KCNIP4: variants seen among roughly 807,000 people sequenced by gnomAD.
The protein encoded by KCNIP4 is Kv channel-interacting protein 4.
KCNIP4 carries 12 observed loss-of-function variants against 34.0 expected under a neutral mutation model. The ratio of observed to expected loss-of-function variants is 0.35; its 90% CI spans 0.23 to 0.57. The LOEUF is 0.57. KCNIP4 is among the 20% of genes least tolerant of loss of function. The pLI is 0.83. For synonymous variants in KCNIP4, 124 were observed against 102.2 expected (o/e 1.21, Z -1.29); for missense variants, 238 against 311.7 (o/e 0.76, Z 1.78).
intron 1 of KCNIP4, among the ~76,000 whole-genome samples, chr4:21,441,018 A>G (rs548819617): frequency 6.6e-6 from 1 of 152,244 alleles, no homozygotes; most frequent in East Asian, 1.9e-4. Context: ...CCTTGTCCAC[A>G]GTTCTGACCA....
intron 1 of KCNIP4, among the ~76,000 whole-genome samples, chr4:21,085,610 G>C (rs1002985302): frequency 6.6e-6 from 1 of 152,126 alleles, no homozygotes; most frequent in Non-Finnish European, 1.5e-5. Context: ...GTTGGTCAAG[G>C]CTGCTGCTCT....
intron 5 of KCNIP4, among the ~76,000 whole-genome samples, chr4:20,738,009 G>A (rs1396681772): frequency 6.6e-6 from 1 of 151,934 alleles, no homozygotes; most frequent in Non-Finnish European, 1.5e-5. Context: ...GTGCACACCT[G>A]TTGTCCCAGC....
intron 1 of KCNIP4, among the ~76,000 whole-genome samples, chr4:21,859,683 T>G (rs1204294659): frequency 6.6e-6 from 1 of 152,048 alleles, no homozygotes; most frequent in African/African-American, 2.4e-5. Flanking sequence ...TCAAATGGTC[T>G]ACTTCTGCAA....
chr4:20,836,011 A>G (rs533876572), intron 3 of KCNIP4, among the ~76,000 whole-genome samples: 54 of 152,332 alleles, frequency 3.5e-4, no homozygotes, highest in Non-Finnish European at 7.5e-4. Flanking sequence ...AGTTTACTGC[A>G]ATATCTTCTT....
chr4:21,798,512 GAAAAA>G (rs3052679), intron 1 of KCNIP4, among the ~76,000 whole-genome samples: 5 of 102,534 alleles, frequency 4.9e-5, no homozygotes, highest in African/African-American at 1.4e-4. Flanking sequence ...AAGACCCTGG[GAAAAA>G]AAAAAAAAAA....
chr4:21,832,615 G>C (rs1349916196), intron 1 of KCNIP4, among the ~76,000 whole-genome samples: 1 of 145,546 alleles, frequency 6.9e-6, no homozygotes, highest in Non-Finnish European at 1.5e-5. Flanking sequence ...ATACTTTTAA[G>C]TTTTAGGGTA....
chr4:21,224,382 C>A (rs6842655), intron 1 of KCNIP4, among the ~76,000 whole-genome samples: 70,855 of 150,900 alleles, frequency 0.47, 17,929 homozygotes, highest in African/African-American at 0.67. Context: ...CAATCCCATC[C>A]TGAGGGCCCC....
intron 1 of KCNIP4, among the ~76,000 whole-genome samples, chr4:21,175,854 A>T (rs1754364775): frequency 6.6e-6 from 1 of 152,190 alleles, no homozygotes; most frequent in South Asian, 2.1e-4. Flanking sequence ...GATAAATGAA[A>T]CTACAGAAAG....
At chr4:21,673,658 T>C (rs977534436) in intron 1 of KCNIP4, among the ~76,000 whole-genome samples, 2 of 152,184 alleles carry the variant, frequency 1.3e-5, no homozygotes, top group Non-Finnish European at 2.9e-5. Context: ...TGATTTTCTA[T>C]CTGTAAAGAT....
chr4:20,730,176 G>A, intron 8 of KCNIP4, 47 bp from the exon 9 acceptor site: 6 of 1,567,762 alleles, frequency 3.8e-6, no homozygotes, highest in Non-Finnish European at 5.2e-6. Flanking sequence ...TATCTGCAAG[G>A]AAAAGTACAC....
At chr4:21,072,694 C>A (rs905943448) in intron 1 of KCNIP4, among the ~76,000 whole-genome samples, 1 of 151,910 alleles carries the variant, frequency 6.6e-6, no homozygotes, top group Admixed American at 6.6e-5. Context: ...CATTGCTTTT[C>A]GTGTTTTAAA....
chr4:21,424,578 GGAAAGAAA>G (rs148701174), intron 1 of KCNIP4, among the ~76,000 whole-genome samples: 4 of 148,666 alleles, frequency 2.7e-5, no homozygotes, highest in Admixed American at 1.3e-4. Flanking sequence ...CTGAAAAAGA[GGAAAGAAA>G]GAAAGAAAGA....
intron 3 of KCNIP4, among the ~76,000 whole-genome samples, chr4:20,770,257 A>G (rs1302837672): frequency 2.0e-5 from 3 of 152,194 alleles, no homozygotes; most frequent in South Asian, 2.1e-4. Flanking sequence ...TGAAAAGACT[A>G]TATTCTGTCA....
intron 1 of KCNIP4, among the ~76,000 whole-genome samples, chr4:21,491,320 C>T (rs1162677402): frequency 6.6e-6 from 1 of 152,082 alleles, no homozygotes; most frequent in Admixed American, 6.6e-5. Context: ...CTTTGAAAGG[C>T]ATGTGTGGAA....
At chr4:20,748,560 TTATATATATATATATATATATATATATA>T (rs3075750) in intron 5 of KCNIP4, among the ~76,000 whole-genome samples, 10 of 64,908 alleles carry the variant, frequency 1.5e-4, no homozygotes, top group South Asian at 5.6e-4. Context: ...CTTCCAAATT[TTATATATATATATATATATATATATATA>T]TATATATATA....
At chr4:21,615,182 A>T (rs1157569974) in intron 1 of KCNIP4, among the ~76,000 whole-genome samples, 1 of 152,124 alleles carries the variant, frequency 6.6e-6, no homozygotes, top group East Asian at 1.9e-4. Flanking sequence ...AATAAAAATA[A>T]ATCAAAGGAA....
intron 1 of KCNIP4, among the ~76,000 whole-genome samples, chr4:21,242,880 CTGTGTGTGTGTGTGTGTGTG>C (rs56347755): frequency 6.7e-5 from 10 of 149,172 alleles, no homozygotes; most frequent in Admixed American, 1.3e-4. Flanking sequence ...GTGTGTGTAT[CTGTGTGTGTGTGTGTGTGTG>C]TGTGTGTGTG....
intron 1 of KCNIP4, among the ~76,000 whole-genome samples, chr4:21,408,371 G>A (rs1055028951): frequency 3.9e-5 from 6 of 152,130 alleles, no homozygotes; most frequent in African/African-American, 7.2e-5. Context: ...TCGCAAGAAT[G>A]AATTTAGAGC....
intron 1 of KCNIP4, among the ~76,000 whole-genome samples, chr4:21,123,734 T>C (rs1750366127): frequency 6.6e-6 from 1 of 152,158 alleles, no homozygotes. Flanking sequence ...GATAAGGTCA[T>C]GTGGGTGGGG....
Sources: allele counts gnomAD v4.1 joint callset (sites outside exome capture counted in the v4.1 genomes callset), GRCh38; gene constraint gnomAD v4.1.1; transcripts MANE v1.5; gene names NCBI Gene and HGNC (gene_info 2026-07-23, HGNC 2026-07-21).